Variants in COL22A1 observed in about 807,000 individuals in gnomAD.
COL22A1 encodes the protein collagen type XXII alpha 1 chain, also known as collagen alpha-1(XXII) chain.
COL22A1 carries 221 observed loss-of-function variants against 248.9 expected under a neutral mutation model. That is an observed-to-expected ratio of 0.89 (90% confidence interval 0.80 to 0.99). COL22A1 has a LOEUF of 0.99. Among genes scored for constraint, COL22A1 ranks in the 50% least tolerant of loss-of-function variants. The pLI, the probability that COL22A1 is intolerant of heterozygous loss-of-function variation, is 0.00. For synonymous variants in COL22A1, 891 were observed against 793.4 expected (o/e 1.12, Z -2.07); for missense variants, 2,240 against 2,179.0 (o/e 1.03, Z -0.56).
intron 3 of COL22A1, among the ~76,000 whole-genome samples, chr8:138,869,691 A>G (rs1484994212): frequency 6.6e-6 from 1 of 152,240 alleles, no homozygotes; most frequent in African/African-American, 2.4e-5. Flanking sequence ...TAATTCAATT[A>G]CGATTTCTAT....
intron 6 of COL22A1, among the ~76,000 whole-genome samples, chr8:138,823,321 A>G (rs1819310064): frequency 6.6e-6 from 1 of 152,238 alleles, no homozygotes; most frequent in African/African-American, 2.4e-5. Flanking sequence ...AAGCAAGTTC[A>G]CAGGCATCAC....
chr8:138,832,823 C>T (rs1249836580), intron 5 of COL22A1, among the ~76,000 whole-genome samples: 1 of 152,196 alleles, frequency 6.6e-6, no homozygotes, highest in Admixed American at 6.5e-5. Flanking sequence ...GTAGAAGGAT[C>T]AGAGAACCAA....
intron 36 of COL22A1, 104 bp from the exon 37 acceptor site, chr8:138,689,074 C>T (rs766750747): frequency 1.6e-5 from 14 of 872,116 alleles, no homozygotes; most frequent in African/African-American, 6.6e-5. Flanking sequence ...CTGAAGTCAA[C>T]GACTACAGCT....
intron 2 of COL22A1, among the ~76,000 whole-genome samples, chr8:138,882,519 CCTA>C (rs1211103760): frequency 2.7e-5 from 4 of 150,568 alleles, no homozygotes; most frequent in African/African-American, 9.8e-5. Flanking sequence ...AACACACACT[CCTA>C]CACTTCCTCA....
intron 3 of COL22A1, among the ~76,000 whole-genome samples, chr8:138,854,188 G>T (rs1821843713): frequency 6.6e-6 from 1 of 152,256 alleles, no homozygotes; most frequent in African/African-American, 2.4e-5. Context: ...TCTGTTGGGA[G>T]GTTATGATCA....
chr8:138,742,598 G>C (rs1831703178), intron 22 of COL22A1, among the ~76,000 whole-genome samples: 1 of 151,988 alleles, frequency 6.6e-6, no homozygotes, highest in Non-Finnish European at 1.5e-5. Flanking sequence ...GATGGTGATG[G>C]TGATGGTGGA....
intron 2 of COL22A1, among the ~76,000 whole-genome samples, chr8:138,879,106 CAATT>C (rs2132049347): frequency 6.6e-6 from 1 of 152,272 alleles, no homozygotes; most frequent in East Asian, 1.9e-4. Context: ...CATATATACT[CAATT>C]ATTTTTTATT....
At chr8:138,806,479 G>A (rs1817738489) in intron 10 of COL22A1, among the ~76,000 whole-genome samples, 1 of 152,096 alleles carries the variant, frequency 6.6e-6, no homozygotes, top group African/African-American at 2.4e-5. Flanking sequence ...CAGAGGAGAG[G>A]AGAAACAGAC....
At chr8:138,845,501 T>C (rs1821179271) in intron 3 of COL22A1, among the ~76,000 whole-genome samples, 1 of 149,266 alleles carries the variant, frequency 6.7e-6, no homozygotes, top group African/African-American at 2.5e-5. Context: ...GGTGACAGAA[T>C]GAGACTCCAC....
chr8:138,668,538 T>C (rs911229456), intron 41 of COL22A1, among the ~76,000 whole-genome samples: 3 of 152,226 alleles, frequency 2.0e-5, no homozygotes, highest in Admixed American at 6.5e-5. Context: ...GCTTTAGATA[T>C]GTGAAACACA....
intron 47 of COL22A1, 49 bp downstream of exon 47, chr8:138,646,580 T>G: frequency 1.3e-4 from 174 of 1,379,508 alleles, no homozygotes; most frequent in Non-Finnish European, 1.6e-4. Context: ...GATTAACCAT[T>G]GAGATGAGCA....
intron 50 of COL22A1, among the ~76,000 whole-genome samples, chr8:138,630,169 T>C (rs1820587913): frequency 6.6e-6 from 1 of 152,200 alleles, no homozygotes; most frequent in South Asian, 2.1e-4. Context: ...GAAATCTGGA[T>C]TTTGAGATAA....
intron 7 of COL22A1, 71 bp from the exon 8 acceptor site, chr8:138,813,090 A>G: frequency 8.7e-7 from 1 of 1,155,904 alleles, no homozygotes; most frequent in Non-Finnish European, 1.3e-6. Context: ...GTGGTTTCAC[A>G]CAGGCCCCGT....
chr8:138,714,775 C>T (rs1829301865), intron 30 of COL22A1, among the ~76,000 whole-genome samples: 2 of 152,288 alleles, frequency 1.3e-5, no homozygotes, highest in African/African-American at 4.8e-5. Flanking sequence ...TCCACAAATG[C>T]CATGATGCCC....
rs749171950 is a variant in COL22A1 at position 138,877,987 on chromosome 8, C to T, written c.421G>A (p.Ala141Thr). ...PHAGGRPRDR[A>T]YKQVAILLTD... ...AGCAGGATGGCCACCTGCTTGTAGG[C>T]GCGGTCCCTGGGGCGGCCGCCGGCG... is the stretch of plus-strand genomic sequence containing the variant. Residue 141 changes from alanine (A) to threonine (T), a missense_variant, in exon 3 of 65, where the codon GCC (alanine) becomes ACC (threonine). Coordinates refer to ENST00000303045, the MANE Select transcript of COL22A1 (RefSeq NM_152888.3). 3.1e-6 allele frequency: 5 copies of T among 1,587,460 alleles called. No individual in the cohort carries two copies. In the East Asian group the frequency reaches 6.9e-5, roughly 22 times the overall value.
At chr8:138,693,800 A>G (rs1827273466) in intron 34 of COL22A1, 101 bp from the exon 35 acceptor site, 8 of 1,287,610 alleles carry the variant, frequency 6.2e-6, no homozygotes, top group East Asian at 2.5e-5. Context: ...CATCAGAAGC[A>G]TTATTCCAAA....
chr8:138,630,792 C>A, intron 49 of COL22A1, 44 bp from the exon 50 acceptor site: 1 of 1,556,540 alleles, frequency 6.4e-7, no homozygotes, highest in Non-Finnish European at 8.9e-7. Context: ...TGCATCTAGA[C>A]AGAGGTCATT....
intron 12 of COL22A1, among the ~76,000 whole-genome samples, chr8:138,781,380 G>A (rs1219028573): frequency 6.6e-6 from 1 of 152,000 alleles, no homozygotes; most frequent in Non-Finnish European, 1.5e-5. Flanking sequence ...CTGACTGGAT[G>A]AGCCTTTGCT....
At chr8:138,720,013 A>G (rs1160942764) in intron 27 of COL22A1, among the ~76,000 whole-genome samples, 2 of 152,132 alleles carry the variant, frequency 1.3e-5, no homozygotes, top group Non-Finnish European at 2.9e-5. Flanking sequence ...GCACACTCAC[A>G]CCACACACAC....
Sources: allele counts gnomAD v4.1 joint callset (sites outside exome capture counted in the v4.1 genomes callset), GRCh38; gene constraint gnomAD v4.1.1; transcripts MANE v1.5; gene names NCBI Gene and HGNC (gene_info 2026-07-23, HGNC 2026-07-21).